GRM5: variants seen among roughly 807,000 people sequenced by gnomAD.
GRM5 encodes the protein glutamate metabotropic receptor 5, also known as metabotropic glutamate receptor 5.
In GRM5, 19 loss-of-function variants were observed where a neutral mutation model predicts 83.1. The ratio of observed to expected loss-of-function variants is 0.23; its 90% CI spans 0.16 to 0.34. The LOEUF (loss-of-function observed/expected upper bound fraction) is 0.34. Ranked by LOEUF, GRM5 falls within the 10% of genes least tolerant of loss-of-function variation. GRM5 has a pLI of 1.00. For missense variants in GRM5, 1,160 were observed against 1,588.3 expected (o/e 0.73, Z 4.58); for synonymous variants, 675 against 633.6 (o/e 1.07, Z -0.98).
intron 4 of GRM5, among the ~76,000 whole-genome samples, chr11:88,614,009 G>A (rs144477350): frequency 7.9e-4 from 121 of 152,260 alleles, no homozygotes; most frequent in African/African-American, 2.6e-3. Context: ...TGGGTATTCA[G>A]TGACAATCTC....
intron 3 of GRM5, among the ~76,000 whole-genome samples, chr11:88,659,005 C>T (rs988091013): frequency 3.3e-5 from 5 of 151,960 alleles, no homozygotes; most frequent in African/African-American, 7.3e-5. Context: ...TTAGAGCTGT[C>T]GGAGATGAAG....
In GRM5 at chr11:89,047,174, A is replaced by C. The variant is rs1345099827; in HGVS notation, c.661+38T>G. The C allele has an allele frequency of 6.8e-7, 1 of 1,460,934 alleles. No individual in the cohort carries two copies. 90.5% of individuals were successfully genotyped at this position (1,460,934 alleles called of 1,614,324 possible). On this transcript the variant is annotated intron_variant, in intron 2 of 9. Coordinates refer to ENST00000305447, the MANE Select transcript of GRM5 (RefSeq NM_001143831.3). The surrounding 1 kb of genome is among the most constrained non-coding windows in gnomAD (Gnocchi z 5.1). Reference sequence around the variant, plus strand: ...ACCTGAAATTGTAACTGTTGAGTGCATAATAATATATACTCGATGTATGCA... The same window carrying C: ...ACCTGAAATTGTAACTGTTGAGTGCCTAATAATATATACTCGATGTATGCA...
intron 2 of GRM5, among the ~76,000 whole-genome samples, chr11:88,942,058 AAC>A (rs1267535466): frequency 6.6e-6 from 1 of 152,014 alleles, no homozygotes; most frequent in Admixed American, 6.6e-5. Context: ...ACAAAAACAA[AAC>A]ACAGAAATGC....
intron 9 of GRM5, among the ~76,000 whole-genome samples, chr11:88,521,009 G>A (rs1279323911): frequency 1.3e-5 from 2 of 152,050 alleles, no homozygotes; most frequent in African/African-American, 4.8e-5. Flanking sequence ...GGCACTGGAG[G>A]GGGACTAGAG....
intron 3 of GRM5, among the ~76,000 whole-genome samples, chr11:88,809,202 G>C (rs12288221): frequency 6.6e-6 from 1 of 151,956 alleles, no homozygotes. Flanking sequence ...TAATCTCATC[G>C]TGGAGAGAGG....
chr11:88,802,858 T>A (rs1420074012), intron 3 of GRM5, among the ~76,000 whole-genome samples: 1 of 151,712 alleles, frequency 6.6e-6, no homozygotes, highest in Non-Finnish European at 1.5e-5. Context: ...AAAATCAATA[T>A]ACAAAAATCA....
intron 1 of GRM5, among the ~76,000 whole-genome samples, chr11:89,049,739 G>T (rs1941717397): frequency 6.6e-6 from 1 of 152,092 alleles, no homozygotes; most frequent in African/African-American, 2.4e-5. Context: ...AGAATAACTA[G>T]ACATTTGGGA....
At chr11:89,044,591 G>A (rs1391583929) in intron 2 of GRM5, among the ~76,000 whole-genome samples, 2 of 152,002 alleles carry the variant, frequency 1.3e-5, no homozygotes, top group Admixed American at 6.6e-5. Context: ...TTTGAAAATA[G>A]GACCACATCT....
At chr11:88,573,634 A>T (rs894427894) in intron 7 of GRM5, among the ~76,000 whole-genome samples, 3 of 152,200 alleles carry the variant, frequency 2.0e-5, no homozygotes, top group African/African-American at 7.2e-5. Flanking sequence ...AGATTATAAA[A>T]AACTGATCTA....
At chr11:88,866,318 C>T (rs1433250483) in intron 2 of GRM5, among the ~76,000 whole-genome samples, 2 of 152,058 alleles carry the variant, frequency 1.3e-5, no homozygotes, top group Non-Finnish European at 1.5e-5. Context: ...AAACCAAACA[C>T]TGCATGTTCT....
chr11:88,836,727 A>G (rs1258150145), intron 3 of GRM5, among the ~76,000 whole-genome samples: 1 of 152,110 alleles, frequency 6.6e-6, no homozygotes, highest in Non-Finnish European at 1.5e-5. Context: ...CTCAGGAGAC[A>G]GAGACTGCAG....
Position 88,615,649 on chromosome 11 carries a change from T to TAAAA in GRM5, c.1148-10689_1148-10686dup, listed in dbSNP as rs58256186. Among the ~76,000 whole-genome samples, 335 of 119,734 alleles carry TAAAA rather than the reference T, an allele frequency of 2.8e-3. 4 individuals are homozygous for TAAAA. Among genetic ancestry groups the TAAAA allele is most frequent in the African/African-American group, 9.4e-3 (316 of 33,768 alleles). 78.6% of individuals were successfully genotyped at this position (119,734 alleles called of 152,430 possible). On this transcript the variant is annotated intron_variant, in intron 4 of 9. Transcript: ENST00000305447. The stretch of plus-strand genomic sequence containing the variant: ...CTATTTCCACTATAGATTAAGAAAC[T>TAAAA]AAAAAAAAAAAAAAAAAAATCAAAG...
chr11:88,940,586 T>C (rs1388049284), intron 2 of GRM5, among the ~76,000 whole-genome samples: 1 of 151,632 alleles, frequency 6.6e-6, no homozygotes, highest in East Asian at 1.9e-4. Context: ...TAGTAACATA[T>C]GGAAAATTTA....
intron 3 of GRM5, among the ~76,000 whole-genome samples, chr11:88,731,446 C>T (rs1236084947): frequency 6.6e-6 from 1 of 152,054 alleles, no homozygotes; most frequent in Non-Finnish European, 1.5e-5. Flanking sequence ...CCAGTGCAGA[C>T]CAATTATATC....
intron 3 of GRM5, among the ~76,000 whole-genome samples, chr11:88,831,188 T>C (rs1243868931): frequency 6.6e-6 from 1 of 152,194 alleles, no homozygotes. Context: ...TCCTTATTCC[T>C]GGAGTAAAAC....
intron 3 of GRM5, among the ~76,000 whole-genome samples, chr11:88,735,626 C>T (rs1476938696): frequency 6.6e-6 from 1 of 151,910 alleles, no homozygotes; most frequent in Non-Finnish European, 1.5e-5. Context: ...GGTAGGCAGC[C>T]CCAGGGTGTA....
chr11:88,537,049 T>A (rs1393548479), intron 8 of GRM5, among the ~76,000 whole-genome samples: 1 of 152,156 alleles, frequency 6.6e-6, no homozygotes, highest in Non-Finnish European at 1.5e-5. Flanking sequence ...AGAAACCAGA[T>A]GTTTTACCTC....
intron 2 of GRM5, among the ~76,000 whole-genome samples, chr11:88,959,011 T>C (rs892919587): frequency 2.0e-5 from 3 of 152,162 alleles, no homozygotes; most frequent in Non-Finnish European, 4.4e-5. Flanking sequence ...AATGCTGTGA[T>C]ACCATGTGTC....
intron 2 of GRM5, among the ~76,000 whole-genome samples, chr11:89,019,170 A>G (rs1442202568): frequency 6.6e-6 from 1 of 152,108 alleles, no homozygotes; most frequent in Non-Finnish European, 1.5e-5. Flanking sequence ...ATGTCCTTCC[A>G]TTGGGATTTG....
Sources: allele counts gnomAD v4.1 joint callset (sites outside exome capture counted in the v4.1 genomes callset), GRCh38; gene constraint gnomAD v4.1.1; non-coding constraint Gnocchi (gnomAD v3.1); transcripts MANE v1.5; gene names NCBI Gene and HGNC (gene_info 2026-07-23, HGNC 2026-07-21).